Variants in ENTPD6 observed in about 807,000 individuals in gnomAD.
The protein encoded by ENTPD6 is ectonucleoside triphosphate diphosphohydrolase 6.
ENTPD6 carries 46 observed loss-of-function variants against 61.5 expected under a neutral mutation model. That is an observed-to-expected ratio of 0.75 (90% CI 0.59 to 0.96). The LOEUF (loss-of-function observed/expected upper bound fraction) is 0.96, where lower values mean the gene tolerates loss of function less well. Ranked by LOEUF, ENTPD6 falls within the 40% of genes least tolerant of loss-of-function variation. ENTPD6 has a pLI of 0.00. For synonymous variants in ENTPD6, 252 were observed against 255.5 expected (o/e 0.99, Z 0.13); for missense variants, 612 against 629.0 (o/e 0.97, Z 0.29).
intron 1 of ENTPD6, among the ~76,000 whole-genome samples, chr20:25,200,122 C>T (rs1213989837): frequency 6.6e-6 from 1 of 152,212 alleles, no homozygotes; most frequent in African/African-American, 2.4e-5. Flanking sequence ...TTCTCCACAT[C>T]CTCACTAATA....
At chr20:25,224,339 C>A in intron 13 of ENTPD6, 182 bp downstream of exon 13, 1 of 483,534 alleles carries the variant, frequency 2.1e-6, no homozygotes, top group Non-Finnish European at 3.7e-6. Flanking sequence ...TCGTGAGGAA[C>A]TGGGTCCCTC....
chr20:25,196,569 G>C (rs2090442983), intron 1 of ENTPD6, among the ~76,000 whole-genome samples: 1 of 152,194 alleles, frequency 6.6e-6, no homozygotes, highest in African/African-American at 2.4e-5. Flanking sequence ...CAGCCGCCGG[G>C]AAGTGCCTGG....
intron 5 of ENTPD6, among the ~76,000 whole-genome samples, chr20:25,213,718 G>A (rs1008521188): frequency 4.6e-5 from 7 of 152,232 alleles, no homozygotes; most frequent in Non-Finnish European, 1.0e-4. Flanking sequence ...GGGAGGCCAA[G>A]GCGGGCGAAT....
intron 3 of ENTPD6, among the ~76,000 whole-genome samples, chr20:25,209,152 C>G (rs977653805): frequency 1.1e-4 from 17 of 151,228 alleles, no homozygotes; most frequent in African/African-American, 2.9e-4. Flanking sequence ...CTCTGTCGCC[C>G]AGGCTGGAGT....
intron 12 of ENTPD6, chr20:25,223,831 G>T: frequency 3.0e-6 from 1 of 333,438 alleles, no homozygotes; most frequent in Non-Finnish European, 5.4e-6. Context: ...TACTCAATTT[G>T]GGGTCCTGGG....
chr20:25,196,007 C>G, intron 1 of ENTPD6, 140 bp downstream of exon 1: 1 of 840,710 alleles, frequency 1.2e-6, no homozygotes, highest in Non-Finnish European at 1.6e-6. Flanking sequence ...TGCTGCCTTC[C>G]TGTCCAGGCT....
chr20:25,196,106 G>T, intron 1 of ENTPD6: 1 of 1,141,514 alleles, frequency 8.8e-7, no homozygotes, highest in Non-Finnish European at 1.1e-6. Context: ...AAATAGCAGG[G>T]GCCTGTAGCC....
chr20:25,224,402 G>T, intron 13 of ENTPD6: 3 of 361,766 alleles, frequency 8.3e-6, no homozygotes, highest in Non-Finnish European at 1.0e-5. Flanking sequence ...CCCCAAGAGT[G>T]ATTTCCCCTG....
chr20:25,214,564 G>A (rs553321516), intron 5 of ENTPD6: 14 of 334,002 alleles, frequency 4.2e-5, no homozygotes, highest in African/African-American at 1.5e-4. Flanking sequence ...GAGCCCGGGC[G>A]GTGGATTAAC....
At chr20:25,205,449 G>A (rs1290429146) in intron 1 of ENTPD6, among the ~76,000 whole-genome samples, 1 of 152,104 alleles carries the variant, frequency 6.6e-6, no homozygotes, top group Non-Finnish European at 1.5e-5. Flanking sequence ...GCAGAAGAAG[G>A]CACTGTTCTC....
intron 5 of ENTPD6, 72 bp from the exon 6 acceptor site, chr20:25,214,795 A>C: frequency 6.4e-6 from 6 of 941,920 alleles, no homozygotes; most frequent in African/African-American, 1.6e-5. Flanking sequence ...TTGACTAGCT[A>C]GCTAGCTAAA....
chr20:25,217,530 A>G lies in ENTPD6; in HGVS notation c.827A>G (p.Tyr276Cys), dbSNP rs200050279. The G allele has an allele frequency of 7.4e-6, 12 of 1,614,012 alleles. No homozygotes were observed. In the East Asian group the frequency reaches 2.0e-4, roughly 27 times the overall value. ...ACCCTGCAGGCCTCCCCACCCGGCTACCTGACGGCACTGCGGATGTTTAAC... is the reference window on the plus strand; with the variant it reads ...ACCCTGCAGGCCTCCCCACCCGGCTGCCTGACGGCACTGCGGATGTTTAAC... ...EGTLQASPPG[Y>C]LTALRMFNRT... Residue 276 changes from tyrosine to cysteine, a missense_variant, in exon 9 of 15, where the codon TAC becomes TGC. Transcript: ENST00000376652.
At chr20:25,212,556 A>T (rs758209056) in intron 4 of ENTPD6, among the ~76,000 whole-genome samples, 1 of 152,174 alleles carries the variant, frequency 6.6e-6, no homozygotes, top group Non-Finnish European at 1.5e-5. Flanking sequence ...CAGAAAAAAA[A>T]TATTTATAGA....
chr20:25,216,705 C>A lies in ENTPD6; in HGVS notation c.767C>A (p.Ser256Tyr). 6.2e-7 allele frequency: 1 copy of A among 1,606,300 alleles called. No homozygotes were observed. Among genetic ancestry groups the A allele is most frequent in the Non-Finnish European group, 8.5e-7 (1 of 1,176,884 alleles). Residue 256 changes from serine to tyrosine, a missense_variant, in exon 8 of 15, where the codon TCC (serine) becomes TAC (tyrosine). Physicochemically the swap from Ser to Tyr is moderately radical, Grantham distance 144 (BLOSUM62 -2). Coordinates refer to ENST00000376652, the MANE Select transcript of ENTPD6 (RefSeq NM_001247.5). ...GGCATGCTGGACTTGGGCGGAGGAT[C>A]CACTCAGATCGCCTTCCTGCCACGC... ...SVGMLDLGGG[S>Y]TQIAFLPRVE...
rs1336923855 is a variant in ENTPD6, at chr20:25,214,926, G to A, written c.657G>A (p.Met219Ile). Residue 219 changes from methionine to isoleucine, a missense_variant, in exon 6 of 15, where the codon ATG becomes ATA. Coordinates refer to ENST00000376652, the MANE Select transcript of ENTPD6 (RefSeq NM_001247.5). ...TAGGGGATGACTGTGTTTCCATCAT[G>A]AACGGAACAGATGAAGGTAAATGGC... ...FLVGDDCVSIMNGTDEGVSAW... is the reference protein window; with the variant it reads ...FLVGDDCVSIINGTDEGVSAW... 1.9e-6 allele frequency: 3 copies of A among 1,609,264 alleles called. No individual in the cohort carries two copies. The South Asian group carries it at 3.3e-5, about 18-fold the overall frequency.
At chr20:25,219,991 G>C (rs1417787315) in intron 10 of ENTPD6, among the ~76,000 whole-genome samples, 1 of 152,190 alleles carries the variant, frequency 6.6e-6, no homozygotes, top group Non-Finnish European at 1.5e-5. Flanking sequence ...GAAAAGGCAG[G>C]TACCTCTTTG....
At chr20:25,214,485 C>T (rs921404870) in intron 5 of ENTPD6, among the ~76,000 whole-genome samples, 1 of 152,220 alleles carries the variant, frequency 6.6e-6, no homozygotes, top group Non-Finnish European at 1.5e-5. Context: ...CCAGTCTATG[C>T]AGCCCCCAGA....
Position 25,217,526 on chromosome 20 carries a change from G to C in ENTPD6, c.823G>C (p.Gly275Arg). ...VEGTLQASPP[G>R]YLTALRMFNR... ...GGGCACCCTGCAGGCCTCCCCACCC[G>C]GCTACCTGACGGCACTGCGGATGTT... The change falls in exon 9 of 15, where the codon GGC becomes CGC. Residue 275 changes from glycine to arginine, a missense_variant. By Grantham distance (125) the Gly-to-Arg change is moderately radical. Transcript: ENST00000376652. The C allele has an allele frequency of 6.2e-7, 1 of 1,614,076 alleles. No homozygotes were observed. Among genetic ancestry groups the C allele is most frequent in the Admixed American group, 1.7e-5 (1 of 60,020 alleles).
Position 25,195,735 on chromosome 20 carries a change from C to T in ENTPD6, c.-148C>T. The T allele has an allele frequency of 2.8e-6, 2 of 706,982 alleles. No homozygotes were observed. The highest frequency in any genetic ancestry group is 3.4e-5 in the East Asian group (1 of 29,226). The allele number at this position is 706,982 out of a possible 1,614,324, so 43.8% of individuals were successfully genotyped here. ...GGGCGGAGCCCAGGCCCTAGGGAAT[C>T]GTGGGGTCGTATCCCGCGGGTGGAG... On this transcript the variant is annotated 5_prime_UTR_variant, in exon 1 of 15. Transcript: ENST00000376652.
Sources: gnomAD v4.1 joint callset for allele counts (sites outside exome capture counted in the v4.1 genomes callset) on GRCh38, gnomAD v4.1.1 for gene constraint, MANE v1.5 for transcripts, NCBI Gene and HGNC (gene_info 2026-07-23, HGNC 2026-07-21) for gene names.